BCAS3: variants seen among roughly 807,000 people sequenced by gnomAD.
BCAS3 encodes BCAS3 microtubule associated cell migration factor.
A neutral mutation model predicts 116.1 loss-of-function variants in BCAS3; 53 were observed. The ratio of observed to expected loss-of-function variants is 0.46; its 90% CI spans 0.37 to 0.57. The LOEUF is 0.57. BCAS3 is among the 20% of genes least tolerant of loss of function. The probability of loss-of-function intolerance (pLI) is 0.00; values close to 1 mark genes in which losing one functional copy is unlikely to be tolerated. For synonymous variants in BCAS3, 391 were observed against 408.2 expected (o/e 0.96, Z 0.51); for missense variants, 917 against 1,165.4 (o/e 0.79, Z 3.10).
Position 60,976,020 on chromosome 17 carries a change from C to CTTT in BCAS3, c.1222-13933_1222-13931dup, listed in dbSNP as rs755966067. Among the ~76,000 whole-genome samples the CTTT allele has an allele frequency of 6.9e-3, 682 of 98,164 alleles. 43 individuals carry two copies. Among genetic ancestry groups the CTTT allele is most frequent in the African/African-American group, 0.028 (661 of 23,904 alleles). The allele number at this position is 98,164 out of a possible 152,430, so 64.4% of individuals were successfully genotyped here. A position where few individuals can be genotyped will look rare whatever the true frequency, so the allele number is the denominator to read the frequency against. ...GCAAACATTTGTATATAGATTTTTGCTTTTTTTTTTTTTTTTTTTTCTTTT... is the reference window on the plus strand; with the variant it reads ...GCAAACATTTGTATATAGATTTTTGCTTTTTTTTTTTTTTTTTTTTTTTCTTTT... On this transcript the variant is annotated intron_variant, in intron 14 of 23. Transcript: ENST00000407086.
At chr17:60,941,176 A>G (rs1390779070) in intron 13 of BCAS3, among the ~76,000 whole-genome samples, 1 of 152,230 alleles carries the variant, frequency 6.6e-6, no homozygotes, top group East Asian at 1.9e-4. Context: ...AGAAGTGCCT[A>G]AACAGCTAAT....
rs2063789586 is a variant in BCAS3 at position 60,995,596 on chromosome 17, C to T, written c.1486+5361C>T. 1.3e-5 allele frequency among the ~76,000 whole-genome samples: 2 copies of T among 152,186 alleles called. No individual in the cohort carries two copies. The highest frequency in any genetic ancestry group is 4.1e-4 in the South Asian group (2 of 4,828). The stretch of plus-strand genomic sequence containing the variant: ...TACAAGCGTGAACCACCGCGCCCGA[C>T]CAGTTTCTAAGGCTTTAAACCAGAG... On this transcript the variant is annotated intron_variant, in intron 15 of 23. Coordinates refer to ENST00000407086, the MANE Select transcript of BCAS3 (RefSeq NM_017679.5). This position sits in a 1 kb window ranked among gnomAD's most constrained non-coding sequence, Gnocchi z 4.7.
At position 61,069,969 on chromosome 17, in the gene BCAS3, C is replaced by A. The variant is rs758454426; in HGVS notation, c.2030-4951C>A. 11 of 1,583,020 alleles carry A rather than the reference C, an allele frequency of 6.9e-6. No homozygotes were observed. In the South Asian group the frequency reaches 1.2e-4, roughly 17 times the overall value. On this transcript the variant is annotated intron_variant, in intron 19 of 23. Coordinates refer to ENST00000407086, the MANE Select transcript of BCAS3 (RefSeq NM_017679.5). ...AGAAGGCAGTGTTGAAAGGTGTCCA[C>A]AGCCACAAAAAGAAGAAGATCCGCA... is the stretch of plus-strand genomic sequence containing the variant.
intron 7 of BCAS3, among the ~76,000 whole-genome samples, chr17:60,856,441 C>G (rs970050411): frequency 1.3e-5 from 2 of 152,140 alleles, no homozygotes; most frequent in Non-Finnish European, 2.9e-5. Flanking sequence ...GTATTCCCAG[C>G]ACTTTCGGGG....
At chr17:61,018,714 CAT>C (rs1238336795) in intron 16 of BCAS3, among the ~76,000 whole-genome samples, 1 of 152,156 alleles carries the variant, frequency 6.6e-6, no homozygotes, top group Non-Finnish European at 1.5e-5. Context: ...TATACACTAA[CAT>C]GTTACGTTTT....
rs1003656906 is a variant in BCAS3 at position 61,051,039 on chromosome 17, A to G, written c.2029+10147A>G. Among the ~76,000 whole-genome samples, 1 of 152,214 alleles carries G rather than the reference A, an allele frequency of 6.6e-6. No individual in the cohort carries two copies. The highest frequency in any genetic ancestry group is 2.1e-4 in the South Asian group (1 of 4,820). On this transcript the variant is annotated intron_variant, in intron 19 of 23. Coordinates refer to ENST00000407086, the MANE Select transcript of BCAS3 (RefSeq NM_017679.5). This position sits in a 1 kb window ranked among gnomAD's most constrained non-coding sequence, Gnocchi z 4.1. ...TTAAATAGTCCATGGTTCACAGAAG[A>G]AATCTAAAGGGAATTAAGAAATTAT...
In BCAS3 at chr17:61,034,433, G is replaced by C. The variant is rs1456956414; in HGVS notation, c.1638-233G>C. On this transcript the variant is annotated intron_variant, in intron 16 of 23. Transcript: ENST00000407086. The surrounding 1 kb of genome is among the most constrained non-coding windows in gnomAD (Gnocchi z 5.0). ...CCAGCACATACTTCAAAAAGGAGTT[G>C]ATTTTTATTGGTCTTATAAATGTTG... Among the ~76,000 whole-genome samples, 2 of 152,140 alleles carry C rather than the reference G, an allele frequency of 1.3e-5. No homozygotes were observed. Among genetic ancestry groups the C allele is most frequent in the Admixed American group, 6.5e-5 (1 of 15,270 alleles).
In BCAS3 at chr17:61,144,227, G is replaced by A. The variant is rs961718226; in HGVS notation, c.2425+59663G>A. On this transcript the variant is annotated intron_variant, in intron 22 of 23. Coordinates refer to ENST00000407086, the MANE Select transcript of BCAS3 (RefSeq NM_017679.5). This position sits in a 1 kb window ranked among gnomAD's most constrained non-coding sequence, Gnocchi z 5.0. The stretch of plus-strand genomic sequence containing the variant: ...AGCATGGATTTTTTTTTTAAGGAGG[G>A]TTATAGTATCCTGAAGACTTCATTT... 2.0e-5 allele frequency among the ~76,000 whole-genome samples: 3 copies of A among 151,888 alleles called. No individual in the cohort carries two copies. Among genetic ancestry groups the A allele is most frequent in the Non-Finnish European group, 4.4e-5 (3 of 67,966 alleles).
chr17:60,761,800 G>A (rs1047718782), intron 6 of BCAS3, among the ~76,000 whole-genome samples: 1 of 130,580 alleles, frequency 7.7e-6, no homozygotes, highest in Non-Finnish European at 1.5e-5. Flanking sequence ...CACAATGGTT[G>A]AACTAGTTTA....
At position 61,097,202 on chromosome 17, in the gene BCAS3, T is replaced by A. The variant is rs1299436912; in HGVS notation, c.2425+12638T>A. On this transcript the variant is annotated intron_variant, in intron 22 of 23. Transcript: ENST00000407086. The surrounding 1 kb of genome is among the most constrained non-coding windows in gnomAD (Gnocchi z 4.0). ...TTTTTTCTTTTTTCTTTTTTGAGAC[T>A]GAGTCTCGCTCTGTCACCCAGGCTG... Among the ~76,000 whole-genome samples, 2 of 152,132 alleles carry A rather than the reference T, an allele frequency of 1.3e-5. No homozygotes were observed. The highest frequency in any genetic ancestry group is 2.9e-5 in the Non-Finnish European group (2 of 68,004).
chr17:60,838,966 A>G (rs1249782046), intron 7 of BCAS3, among the ~76,000 whole-genome samples: 1 of 152,216 alleles, frequency 6.6e-6, no homozygotes, highest in Non-Finnish European at 1.5e-5. Flanking sequence ...CACTACAGGC[A>G]TATGCCACTG....
chr17:60,773,287 C>CTTTT lies in BCAS3; in HGVS notation c.403+26027_403+26030dup, dbSNP rs1210680882. 6.5e-5 allele frequency among the ~76,000 whole-genome samples: 6 copies of CTTTT among 91,968 alleles called. No homozygotes were observed. The East Asian group carries it at 8.6e-4, about 13-fold the overall frequency. 60.3% of individuals were successfully genotyped at this position (91,968 alleles called of 152,430 possible). ...TTTGTATTATCTGACTCTTCAGGTC[C>CTTTT]TTTTTTTTTTTTTTTTTTTTTTGGG... On this transcript the variant is annotated intron_variant, in intron 6 of 23. Coordinates refer to ENST00000407086, the MANE Select transcript of BCAS3 (RefSeq NM_017679.5).
chr17:61,298,034 T>C (rs2053093998), intron 22 of BCAS3, among the ~76,000 whole-genome samples: 1 of 152,160 alleles, frequency 6.6e-6, no homozygotes, highest in African/African-American at 2.4e-5. Context: ...AGTCATAGGT[T>C]TCTCTCTGGA....
At chr17:60,708,431 T>A (rs2037450593) in intron 4 of BCAS3, among the ~76,000 whole-genome samples, 1 of 148,000 alleles carries the variant, frequency 6.8e-6, no homozygotes. Context: ...CCATCATAGC[T>A]CACCACAGCC....
chr17:60,763,873 A>C (rs1011021397), intron 6 of BCAS3, among the ~76,000 whole-genome samples: 7 of 152,016 alleles, frequency 4.6e-5, no homozygotes, highest in African/African-American at 1.7e-4. Context: ...TCAATTTCAG[A>C]GCCTGTTATC....
At chr17:61,232,024 G>A (rs915401552) in intron 22 of BCAS3, among the ~76,000 whole-genome samples, 4 of 151,480 alleles carry the variant, frequency 2.6e-5, no homozygotes, top group African/African-American at 7.3e-5. Flanking sequence ...GGCCAATACG[G>A]TGAAACCCCG....
Position 61,309,997 on chromosome 17 carries a change from G to A in BCAS3, c.2426-58330G>A, listed in dbSNP as rs746098323. 1.8e-4 allele frequency among the ~76,000 whole-genome samples: 28 copies of A among 151,994 alleles called. No homozygotes were observed. The highest frequency in any genetic ancestry group is 3.4e-4 in the Non-Finnish European group (23 of 68,026). The stretch of plus-strand genomic sequence containing the variant: ...GCTACCAGGTTGTGTTTCCTTAATA[G>A]GAAGCCATATCCCAGCCATGTGGCA... On this transcript the variant is annotated intron_variant, in intron 22 of 23. Coordinates refer to ENST00000407086, the MANE Select transcript of BCAS3 (RefSeq NM_017679.5). The surrounding 1 kb of genome is among the most constrained non-coding windows in gnomAD (Gnocchi z 4.6).
intron 16 of BCAS3, among the ~76,000 whole-genome samples, chr17:61,018,598 G>A (rs1045302923): frequency 2.1e-4 from 32 of 152,044 alleles, no homozygotes; most frequent in Non-Finnish European, 3.8e-4. Context: ...CACCACGCCC[G>A]GCCCCAAATG....
At chr17:61,328,369 A>C (rs1363821491) in intron 22 of BCAS3, among the ~76,000 whole-genome samples, 1 of 152,218 alleles carries the variant, frequency 6.6e-6, no homozygotes, top group Non-Finnish European at 1.5e-5. Flanking sequence ...TACAATTACC[A>C]TTGTCAGTTA....
Sources: allele counts gnomAD v4.1 joint callset (sites outside exome capture counted in the v4.1 genomes callset), GRCh38; gene constraint gnomAD v4.1.1; non-coding constraint Gnocchi (gnomAD v3.1); transcripts MANE v1.5; gene names NCBI Gene and HGNC (gene_info 2026-07-23, HGNC 2026-07-21).